Variants in NR2F1-AS1 observed in about 807,000 individuals in gnomAD.
NR2F1-AS1 encodes the protein NR2F1 regulatory antisense RNA 1.
intron 4 of NR2F1-AS1, among the ~76,000 whole-genome samples, chr5:93,474,252 T>G (rs892296486): frequency 6.6e-6 from 1 of 152,162 alleles, no homozygotes; most frequent in African/African-American, 2.4e-5. Context: ...TAAAAAAGGC[T>G]TAAGAAAAAG....
chr5:93,548,496 C>T (rs1192999357), intron 4 of NR2F1-AS1, among the ~76,000 whole-genome samples: 1 of 152,130 alleles, frequency 6.6e-6, no homozygotes, highest in African/African-American at 2.4e-5. Context: ...CATTATTTTA[C>T]AGCTCCAGTT....
intron 4 of NR2F1-AS1, among the ~76,000 whole-genome samples, chr5:93,547,454 T>C (rs1449616881): frequency 6.6e-6 from 1 of 152,172 alleles, no homozygotes; most frequent in Non-Finnish European, 1.5e-5. Context: ...AATGTATACA[T>C]TTCTCAGAAT....
intron 2 of NR2F1-AS1, among the ~76,000 whole-genome samples, chr5:93,558,615 C>G (rs544649696): frequency 6.6e-6 from 1 of 152,324 alleles, no homozygotes; most frequent in South Asian, 2.1e-4. Context: ...AGCCACTACT[C>G]TTAGACTCAA....
intron 4 of NR2F1-AS1, among the ~76,000 whole-genome samples, chr5:93,515,235 T>C (rs1751377124): frequency 6.6e-6 from 1 of 151,936 alleles, no homozygotes; most frequent in South Asian, 2.1e-4. Flanking sequence ...TGATTTCAAA[T>C]CATTCTTTAT....
chr5:93,420,504 A>G (rs1302691988), intron 4 of NR2F1-AS1, among the ~76,000 whole-genome samples: 1 of 152,214 alleles, frequency 6.6e-6, no homozygotes, highest in African/African-American at 2.4e-5. Flanking sequence ...GTGAATGGTG[A>G]AAAGGCAGAG....
chr5:93,521,034 G>C (rs1339306822), intron 4 of NR2F1-AS1, among the ~76,000 whole-genome samples: 1 of 152,006 alleles, frequency 6.6e-6, no homozygotes, highest in Non-Finnish European at 1.5e-5. Flanking sequence ...TAGACCAATG[G>C]AACAGAACAG....
exon 1 of NR2F1-AS1, chr5:93,580,718 T>G (rs964688146): frequency 2.6e-5 from 4 of 152,594 alleles, no homozygotes; most frequent in African/African-American, 9.6e-5. Flanking sequence ...ATTTAGAATC[T>G]GTACATAGAA....
intron 4 of NR2F1-AS1, among the ~76,000 whole-genome samples, chr5:93,447,981 T>C (rs948312046): frequency 6.6e-6 from 1 of 152,034 alleles, no homozygotes; most frequent in Non-Finnish European, 1.5e-5. Flanking sequence ...TTCTCACTCA[T>C]AGGTGGGAAT....
chr5:93,425,981 T>G (rs1256517689), intron 4 of NR2F1-AS1, among the ~76,000 whole-genome samples: 1 of 152,010 alleles, frequency 6.6e-6, no homozygotes, highest in Non-Finnish European at 1.5e-5. Flanking sequence ...AAAAAAGATT[T>G]AAGGTACAAA....
chr5:93,568,691 A>G (rs1752670607), intron 1 of NR2F1-AS1, among the ~76,000 whole-genome samples: 1 of 152,194 alleles, frequency 6.6e-6, no homozygotes. Flanking sequence ...GTCCGTGGCC[A>G]TATGATCACA....
At chr5:93,455,710 A>G (rs1749930222) in intron 4 of NR2F1-AS1, among the ~76,000 whole-genome samples, 1 of 152,136 alleles carries the variant, frequency 6.6e-6, no homozygotes, top group Admixed American at 6.6e-5. Context: ...TAGGGATCAT[A>G]TTAAGTAACA....
rs142470059 is a variant in NR2F1-AS1, at chr5:93,512,561, T to C, written n.638+41200A>G. On this transcript the variant is annotated intron_variant and non_coding_transcript_variant, in intron 4 of 5. Transcript: ENST00000660523. ...ACAGTGCTTATAAAGTCTACAGTAC[T>C]ATACAGTAATGTCCGAAGTTTTCAT... Among the ~76,000 whole-genome samples the C allele has an allele frequency of 2.8e-3, 421 of 152,316 alleles. 1 individual carries two copies. The highest frequency in any genetic ancestry group is 1.0e-2 in the African/African-American group (414 of 41,570).
chr5:93,476,760 C>T (rs1437475769), intron 4 of NR2F1-AS1, among the ~76,000 whole-genome samples: 3 of 152,016 alleles, frequency 2.0e-5, no homozygotes, highest in East Asian at 1.9e-4. Context: ...AAGAAGATAA[C>T]CTGCACATGC....
chr5:93,452,175 CA>C (rs771256515), intron 4 of NR2F1-AS1, among the ~76,000 whole-genome samples: 14 of 149,344 alleles, frequency 9.4e-5, no homozygotes, highest in East Asian at 7.8e-4. Flanking sequence ...AGCAGAAGTA[CA>C]AAAAAAAACA....
chr5:93,493,728 C>A (rs1273396702), intron 4 of NR2F1-AS1, among the ~76,000 whole-genome samples: 2 of 151,876 alleles, frequency 1.3e-5, no homozygotes, highest in East Asian at 3.9e-4. Context: ...GACAAGGGTG[C>A]CAAGGCCATT....
chr5:93,536,330 T>A (rs1751838607), intron 4 of NR2F1-AS1, among the ~76,000 whole-genome samples: 1 of 152,132 alleles, frequency 6.6e-6, no homozygotes, highest in Non-Finnish European at 1.5e-5. Flanking sequence ...GTTCATAGAC[T>A]GGAAGAATAT....
intron 2 of NR2F1-AS1, among the ~76,000 whole-genome samples, chr5:93,559,485 A>G (rs1752438561): frequency 6.6e-6 from 1 of 152,140 alleles, no homozygotes; most frequent in South Asian, 2.1e-4. Context: ...TTTCCTTCAA[A>G]AACTTCCTTT....
intron 4 of NR2F1-AS1, among the ~76,000 whole-genome samples, chr5:93,544,602 T>C (rs1752032791): frequency 6.6e-6 from 1 of 152,080 alleles, no homozygotes. Context: ...AGAGTAATTG[T>C]TAGTAATTTG....
chr5:93,425,010 A>G (rs1749165627), intron 4 of NR2F1-AS1, among the ~76,000 whole-genome samples: 1 of 152,182 alleles, frequency 6.6e-6, no homozygotes, highest in South Asian at 2.1e-4. Flanking sequence ...TCCCTCTCCT[A>G]CATTTCCTGT....
Sources: allele counts gnomAD v4.1 joint callset (sites outside exome capture counted in the v4.1 genomes callset), GRCh38; gene constraint gnomAD v4.1.1; transcripts MANE v1.5; gene names NCBI Gene and HGNC (gene_info 2026-07-23, HGNC 2026-07-21).